The following SLIT2 variants were observed in gnomAD, a reference collection of about 807,000 sequenced individuals.
SLIT2 encodes the protein slit homolog 2 protein.
Under a neutral mutation model 185.7 loss-of-function variants are expected in SLIT2, and 41 were observed. The ratio of observed to expected loss-of-function variants is 0.22; its 90% CI spans 0.17 to 0.29. The LOEUF is 0.29. SLIT2 is among the 10% of genes least tolerant of loss of function. The pLI is 1.00. For synonymous variants in SLIT2, 693 were observed against 680.2 expected (o/e 1.02, Z -0.29); for missense variants, 1,571 against 1,909.0 (o/e 0.82, Z 3.30).
intron 4 of SLIT2, among the ~76,000 whole-genome samples, chr4:20,336,662 C>A (rs1414653861): frequency 6.6e-6 from 1 of 151,814 alleles, no homozygotes; most frequent in Non-Finnish European, 1.5e-5. Context: ...CACATCTACC[C>A]TAGAACTTAA....
At chr4:20,426,200 T>A (rs918189398) in intron 4 of SLIT2, among the ~76,000 whole-genome samples, 1 of 152,116 alleles carries the variant, frequency 6.6e-6, no homozygotes, top group Admixed American at 6.6e-5. Flanking sequence ...GCTCCAAACC[T>A]GGAATGCGGA....
intron 9 of SLIT2, among the ~76,000 whole-genome samples, chr4:20,507,710 C>T (rs1331982255): frequency 1.3e-5 from 2 of 151,448 alleles, no homozygotes; most frequent in African/African-American, 2.4e-5. Flanking sequence ...TTTTCAAGAA[C>T]CTGAAATAAT....
At chr4:20,516,932 T>C (rs1720268049) in intron 11 of SLIT2, among the ~76,000 whole-genome samples, 1 of 152,202 alleles carries the variant, frequency 6.6e-6, no homozygotes, top group South Asian at 2.1e-4. Flanking sequence ...ATCTGTTACT[T>C]TTTAACATGG....
At chr4:20,546,431 A>T (rs1723258712) in intron 22 of SLIT2, among the ~76,000 whole-genome samples, 1 of 152,152 alleles carries the variant, frequency 6.6e-6, no homozygotes. Flanking sequence ...GGAAGGAAAG[A>T]TAGAAAACGA....
Position 20,542,566 on chromosome 4 carries a change from G to C in SLIT2, c.2216G>C (p.Arg739Pro), listed in dbSNP as rs534445098. The C allele has an allele frequency of 1.2e-6, 2 of 1,613,832 alleles. No homozygotes were observed. Among genetic ancestry groups the C allele is most frequent in the Non-Finnish European group, 1.7e-6 (2 of 1,179,804 alleles). Residue 739 changes from arginine to proline, a missense_variant, in exon 21 of 37, where the codon CGA (arginine) becomes CCA (proline). Arg to Pro is a moderately radical substitution (Grantham distance 103). Coordinates refer to ENST00000504154, the MANE Select transcript of SLIT2 (RefSeq NM_004787.4). The stretch of plus-strand genomic sequence containing the variant: ...TGTACTTGCTTGGATACAGTCGTCC[G>C]ATGTAGCAACAAGGGTTTGAAGGTC... Reference protein sequence around the residue: ...TECTCLDTVVRCSNKGLKVLP... With the variant: ...TECTCLDTVVPCSNKGLKVLP...
intron 4 of SLIT2, among the ~76,000 whole-genome samples, chr4:20,438,019 A>T (rs1161331606): frequency 6.6e-6 from 1 of 151,882 alleles, no homozygotes; most frequent in African/African-American, 2.4e-5. Context: ...AATACTCTAC[A>T]TTCACAATAT....
Position 20,346,148 on chromosome 4 carries a change from A to G in SLIT2, c.395+77267A>G, listed in dbSNP as rs187439177. Among the ~76,000 whole-genome samples, 60 of 152,192 alleles carry G rather than the reference A, an allele frequency of 3.9e-4. No individual in the cohort carries two copies. In the East Asian group the frequency reaches 0.011, roughly 29 times the overall value. The stretch of plus-strand genomic sequence containing the variant: ...GCTGGAACGACAAGCACGCACCACT[A>G]TGCCCTGCTAAATTTTAAAATATTT... On this transcript the variant is annotated intron_variant, in intron 4 of 36. Transcript: ENST00000504154.
Position 20,488,900 on chromosome 4 carries a change from T to C in SLIT2, c.693T>C (p.Gly231=), listed in dbSNP as rs755417765. ...GGCTTCGCCAAAGGCCTCGGGTTGG[T>C]CTGTACACTCAGTGTATGGGCCCCT... is the stretch of plus-strand genomic sequence containing the variant. ...SDWLRQRPRV[G]LYTQCMGPSH... Residue 231 remains glycine (G), a synonymous_variant, in exon 8 of 37, where the codon GGT becomes GGC. Transcript: ENST00000504154. The C allele has an allele frequency of 5.0e-6, 8 of 1,613,102 alleles. No individual in the cohort carries two copies. Among genetic ancestry groups the C allele is most frequent in the Non-Finnish European group, 6.8e-6 (8 of 1,179,202 alleles).
chr4:20,604,985 A>G (rs550020972), intron 33 of SLIT2, among the ~76,000 whole-genome samples: 3 of 151,954 alleles, frequency 2.0e-5, no homozygotes, highest in South Asian at 2.1e-4. Context: ...ACAGGCATGC[A>G]CTACCATGCC....
intron 29 of SLIT2, among the ~76,000 whole-genome samples, chr4:20,575,357 T>G (rs754793552): frequency 2.6e-5 from 4 of 152,230 alleles, no homozygotes; most frequent in Non-Finnish European, 5.9e-5. Context: ...CATTTTTTTC[T>G]AGCACCTGGG....
intron 18 of SLIT2, among the ~76,000 whole-genome samples, chr4:20,539,157 T>A: frequency 6.6e-6 from 1 of 152,196 alleles, no homozygotes; most frequent in Admixed American, 6.5e-5. Context: ...CAAACATAAT[T>A]GTAGCATCAA....
chr4:20,544,799 G>A (rs988510282), intron 21 of SLIT2, among the ~76,000 whole-genome samples: 1 of 151,996 alleles, frequency 6.6e-6, no homozygotes, highest in Non-Finnish European at 1.5e-5. Flanking sequence ...CATTCATAGC[G>A]CACATTCTGA....
At chr4:20,515,652 A>G (rs933365010) in intron 11 of SLIT2, among the ~76,000 whole-genome samples, 3 of 152,206 alleles carry the variant, frequency 2.0e-5, no homozygotes, top group Admixed American at 6.5e-5. Flanking sequence ...AAATCACTGA[A>G]GAGTTATAAT....
At chr4:20,523,255 T>C (rs1010431976) in intron 12 of SLIT2, among the ~76,000 whole-genome samples, 4 of 152,188 alleles carry the variant, frequency 2.6e-5, no homozygotes, top group Non-Finnish European at 5.9e-5. Context: ...CAGGTCAGGC[T>C]GTTGTGACGA....
chr4:20,393,896 C>T (rs148698823), intron 4 of SLIT2, among the ~76,000 whole-genome samples: 7 of 152,150 alleles, frequency 4.6e-5, no homozygotes, highest in African/African-American at 1.4e-4. Flanking sequence ...TTGGTGATCA[C>T]AGAGACTGAG....
intron 4 of SLIT2, among the ~76,000 whole-genome samples, chr4:20,326,725 A>G (rs2109185335): frequency 8.1e-6 from 1 of 123,280 alleles, no homozygotes; most frequent in East Asian, 2.4e-4. Context: ...TTTGTTTGAC[A>G]TGTTGAAAGC....
chr4:20,575,128 A>T (rs1725984313), intron 29 of SLIT2, among the ~76,000 whole-genome samples: 1 of 152,204 alleles, frequency 6.6e-6, no homozygotes, highest in African/African-American at 2.4e-5. Context: ...CATCACAGGA[A>T]TATGTCCTTA....
intron 6 of SLIT2, among the ~76,000 whole-genome samples, chr4:20,482,851 A>T (rs1204021445): frequency 1.3e-5 from 2 of 151,894 alleles, no homozygotes. Flanking sequence ...TTCAATCCTC[A>T]TACTTTAAAC....
At chr4:20,275,431 T>G (rs1714070338) in intron 4 of SLIT2, among the ~76,000 whole-genome samples, 1 of 152,170 alleles carries the variant, frequency 6.6e-6, no homozygotes, top group Non-Finnish European at 1.5e-5. Flanking sequence ...CATTGTAAAT[T>G]TTCAAGTATG....
Sources: allele counts gnomAD v4.1 joint callset (sites outside exome capture counted in the v4.1 genomes callset), GRCh38; gene constraint gnomAD v4.1.1; transcripts MANE v1.5; gene names NCBI Gene and HGNC (gene_info 2026-07-23, HGNC 2026-07-21).